The following PTPRN2 variants were observed in gnomAD, a reference collection of about 807,000 sequenced individuals.
PTPRN2 encodes receptor-type tyrosine-protein phosphatase N2.
A neutral mutation model predicts 118.8 loss-of-function variants in PTPRN2; 74 were observed. The ratio of observed to expected loss-of-function variants is 0.62; its 90% confidence interval spans 0.52 to 0.76. PTPRN2 has a LOEUF of 0.76. PTPRN2 is among the 30% of genes least tolerant of loss of function. PTPRN2 has a pLI of 0.00. For missense variants in PTPRN2, 1,481 were observed against 1,394.4 expected (o/e 1.06, Z -0.99); for synonymous variants, 641 against 608.0 (o/e 1.05, Z -0.80).
intron 11 of PTPRN2, among the ~76,000 whole-genome samples, chr7:158,031,914 C>T (rs767258088): frequency 1.3e-4 from 20 of 152,230 alleles, no homozygotes; most frequent in Non-Finnish European, 1.8e-4. Context: ...CTGCAGCCGG[C>T]GCTCCGGGGG....
rs189702106 is a variant in PTPRN2, at chr7:158,091,241, G to A, written c.1644-9864C>T. Among the ~76,000 whole-genome samples, 200 of 152,336 alleles carry A rather than the reference G, an allele frequency of 1.3e-3. 1 individual carries two copies. Among genetic ancestry groups the A allele is most frequent in the African/African-American group, 4.2e-3 (174 of 41,576 alleles). ...CTAAGCAGTAGTTAACAAGTTTGTAGTCCGTTTAAATAAAGACAGGCCTCA... is the reference window on the plus strand; with the variant it reads ...CTAAGCAGTAGTTAACAAGTTTGTAATCCGTTTAAATAAAGACAGGCCTCA... On this transcript the variant is annotated intron_variant, in intron 10 of 22. Transcript: ENST00000389418.
At chr7:158,416,352 C>T (rs148640283) in intron 2 of PTPRN2, among the ~76,000 whole-genome samples, 1 of 152,336 alleles carries the variant, frequency 6.6e-6, no homozygotes, top group East Asian at 1.9e-4. Flanking sequence ...CAGCCCCCAA[C>T]CACACAGTCC....
intron 1 of PTPRN2, among the ~76,000 whole-genome samples, chr7:158,585,539 C>A (rs1342474101): frequency 6.6e-6 from 1 of 152,182 alleles, no homozygotes. Flanking sequence ...AAACATGGCA[C>A]CAGTTTTAAT....
chr7:157,872,432 CAT>C (rs1018810160), intron 12 of PTPRN2, among the ~76,000 whole-genome samples: 1 of 147,814 alleles, frequency 6.8e-6, no homozygotes, highest in Non-Finnish European at 1.5e-5. Flanking sequence ...CCCACACACA[CAT>C]ACCCAGTGTC....
chr7:157,719,220 C>T (rs114957578), intron 12 of PTPRN2, among the ~76,000 whole-genome samples: 1,991 of 152,326 alleles, frequency 0.013, 38 homozygotes, highest in East Asian at 0.039. Context: ...CAGGTGGTCA[C>T]GGAAGCCCCA....
At chr7:157,552,029 C>T (rs1161466510) in intron 21 of PTPRN2, among the ~76,000 whole-genome samples, 1 of 150,950 alleles carries the variant, frequency 6.6e-6, no homozygotes, top group Admixed American at 6.6e-5. Flanking sequence ...ACCCAACCCA[C>T]AGCTGGCACA....
intron 3 of PTPRN2, 150 bp downstream of exon 3, chr7:158,316,669 T>A: frequency 6.6e-6 from 4 of 609,044 alleles, no homozygotes; most frequent in Middle Eastern, 4.4e-4. Context: ...GAAGCACCCA[T>A]GAGCCCAGCG....
intron 12 of PTPRN2, among the ~76,000 whole-genome samples, chr7:157,743,204 A>AG (rs1800734023): frequency 6.6e-6 from 1 of 152,148 alleles, no homozygotes; most frequent in African/African-American, 2.4e-5. Flanking sequence ...AGGGCAGGGG[A>AG]GGCAGCTCTG....
chr7:158,507,776 G>T (rs1212654740), intron 1 of PTPRN2, among the ~76,000 whole-genome samples: 2 of 151,848 alleles, frequency 1.3e-5, no homozygotes, highest in Non-Finnish European at 2.9e-5. Flanking sequence ...ACAGAGGTCA[G>T]TGAGGACCAT....
intron 6 of PTPRN2, among the ~76,000 whole-genome samples, chr7:158,154,724 G>A (rs1465250911): frequency 1.3e-5 from 2 of 149,560 alleles, no homozygotes; most frequent in Non-Finnish European, 3.0e-5. Context: ...AAACTTTTTA[G>A]GTTATCATTA....
intron 2 of PTPRN2, among the ~76,000 whole-genome samples, chr7:158,372,982 C>T (rs898391623): frequency 6.6e-5 from 10 of 152,194 alleles, no homozygotes; most frequent in South Asian, 2.1e-4. Flanking sequence ...TCTAGAACAC[C>T]GAAGGTAACA....
At position 158,280,519 on chromosome 7, in the gene PTPRN2, T is replaced by C. The variant is rs377249825; in HGVS notation, c.277+36300A>G. ...TTTAATTGGTCCTCTCCAGGGGATG[T>C]TTTTTGAAACTAGGTCTTTGAAGAC... On this transcript the variant is annotated intron_variant, in intron 3 of 22. Coordinates refer to ENST00000389418, the MANE Select transcript of PTPRN2 (RefSeq NM_002847.5). 4.1e-4 allele frequency among the ~76,000 whole-genome samples: 62 copies of C among 152,228 alleles called. 1 individual carries two copies. The East Asian group carries it at 0.01, about 25-fold the overall frequency.
intron 2 of PTPRN2, among the ~76,000 whole-genome samples, chr7:158,331,047 CCT>C (rs1336378565): frequency 5.0e-5 from 7 of 138,798 alleles, no homozygotes; most frequent in Non-Finnish European, 9.4e-5. Context: ...AGAGGTGACA[CCT>C]GCAGACGTCA....
At chr7:157,673,960 T>A (rs73163858) in intron 13 of PTPRN2, among the ~76,000 whole-genome samples, 18,752 of 152,134 alleles carry the variant, frequency 0.12, 1,306 homozygotes, top group African/African-American at 0.19. Flanking sequence ...TGTTCCAGAA[T>A]ATGGGATTCT....
chr7:158,479,345 G>T (rs1427634353), intron 2 of PTPRN2, among the ~76,000 whole-genome samples: 1 of 151,904 alleles, frequency 6.6e-6, no homozygotes, highest in East Asian at 1.9e-4. Flanking sequence ...CTCGCCGACA[G>T]CCTCCCTCCC....
intron 11 of PTPRN2, among the ~76,000 whole-genome samples, chr7:158,019,363 C>A (rs1354949740): frequency 6.6e-6 from 1 of 152,192 alleles, no homozygotes; most frequent in Admixed American, 6.5e-5. Flanking sequence ...ATAGGACATG[C>A]GATAGAAGGA....
At chr7:158,568,044 C>G (rs6970523) in intron 1 of PTPRN2, among the ~76,000 whole-genome samples, 38,752 of 152,056 alleles carry the variant, frequency 0.25, 5,214 homozygotes, top group East Asian at 0.44. Flanking sequence ...CTTGAGGTCA[C>G]AAGTTCGAGA....
chr7:157,773,319 T>C lies in PTPRN2; in HGVS notation c.1789-90382A>G, dbSNP rs574655365. ...AACCAAGCACAGCCCCTTCTGTGAG[T>C]GGGAGTCATGCCTAGAAAACAAACA... On this transcript the variant is annotated intron_variant, in intron 12 of 22. Coordinates refer to ENST00000389418, the MANE Select transcript of PTPRN2 (RefSeq NM_002847.5). Among the ~76,000 whole-genome samples, 8 of 152,156 alleles carry C rather than the reference T, an allele frequency of 5.3e-5. No homozygotes were observed. The East Asian group carries it at 9.7e-4, about 18-fold the overall frequency.
chr7:158,328,999 G>C (rs75059277), intron 2 of PTPRN2, among the ~76,000 whole-genome samples: 1,658 of 151,914 alleles, frequency 0.011, 31 homozygotes, highest in African/African-American at 0.038. Context: ...TGATGAGATT[G>C]TGGGTGTGAG....
Sources: gnomAD v4.1 joint callset for allele counts (sites outside exome capture counted in the v4.1 genomes callset) on GRCh38, gnomAD v4.1.1 for gene constraint, MANE v1.5 for transcripts, NCBI Gene and HGNC (gene_info 2026-07-23, HGNC 2026-07-21) for gene names.